Variants in PAM16 observed in about 807,000 individuals in gnomAD.
The protein encoded by PAM16 is mitochondrial import inner membrane translocase subunit TIM16.
In PAM16, 11 loss-of-function variants were observed where a neutral mutation model predicts 17.9. That is an observed-to-expected ratio of 0.62 (90% CI 0.39 to 1.02). The LOEUF is 1.02. PAM16 is among the 50% of genes least tolerant of loss of function. PAM16 has a pLI of 0.01. For synonymous variants in PAM16, 72 were observed against 67.4 expected, an observed-to-expected ratio of 1.07 and a Z score of -0.34; for missense variants, 199 against 165.4, an observed-to-expected ratio of 1.20 and a Z score of -1.11.
In PAM16 at chr16:4,345,922, C is replaced by G. The variant is rs749656706; in HGVS notation, c.4-2631G>C. On this transcript the variant is annotated intron_variant, in intron 1 of 4. Transcript: ENST00000318059. The stretch of plus-strand genomic sequence containing the variant: ...GAAACACGGCTCAGGTCTCAGACTA[C>G]CCCTCACACCAACAGCCTTCGGTCC... The G allele has an allele frequency of 3.7e-5, 36 of 985,090 alleles. No individual in the cohort carries two copies. The African/African-American group carries it at 5.4e-4, about 15-fold the overall frequency. 61.0% of individuals were successfully genotyped at this position (985,090 alleles called of 1,614,324 possible).
chr16:4,342,966 G>T (rs1259817655), intron 2 of PAM16, among the ~76,000 whole-genome samples: 1 of 152,018 alleles, frequency 6.6e-6, no homozygotes, highest in East Asian at 1.9e-4. Flanking sequence ...TCCAAAAAAA[G>T]AAAAAACAAG....
intron 1 of PAM16, 189 bp downstream of exon 1, chr16:4,351,043 C>T (rs947895450): frequency 3.3e-5 from 11 of 336,938 alleles, no homozygotes; most frequent in Non-Finnish European, 4.8e-5. Flanking sequence ...TTTTCCCTGG[C>T]CCTGAGGCCG....
At chr16:4,340,480 T>TGG (rs2053626486) in intron 4 of PAM16, 75 bp from the exon 5 acceptor site, 1 of 1,506,148 alleles carries the variant, frequency 6.6e-7, no homozygotes, top group Admixed American at 1.8e-5. Flanking sequence ...GGATGGCCTA[T>TGG]TCCCATCAGC....
intron 1 of PAM16, among the ~76,000 whole-genome samples, chr16:4,349,772 A>C (rs1237414391): frequency 6.6e-6 from 1 of 152,100 alleles, no homozygotes; most frequent in Non-Finnish European, 1.5e-5. Flanking sequence ...ATCTCAAAAA[A>C]CAAACCAAAA....
At chr16:4,346,491 T>A (rs186932439) in intron 1 of PAM16, among the ~76,000 whole-genome samples, 4 of 152,326 alleles carry the variant, frequency 2.6e-5, no homozygotes, top group Admixed American at 2.6e-4. Context: ...TAACAAAGCT[T>A]CTTTCAAAAT....
intron 1 of PAM16, among the ~76,000 whole-genome samples, chr16:4,350,067 C>T (rs903651232): frequency 4.9e-4 from 75 of 152,020 alleles, no homozygotes; most frequent in Non-Finnish European, 5.9e-5. Flanking sequence ...GGGGAACTTA[C>T]GTGTGCAGAA....
chr16:4,347,162 C>G (rs1252512983), intron 1 of PAM16: 1 of 152,212 alleles, frequency 6.6e-6, no homozygotes, highest in Non-Finnish European at 1.5e-5. Flanking sequence ...TTGTACTCAG[C>G]CTCCGAGGAC....
chr16:4,347,846 G>C (rs2141153532), intron 1 of PAM16: 1 of 152,364 alleles, frequency 6.6e-6, no homozygotes, highest in South Asian at 2.1e-4. Flanking sequence ...GCAGCAGTCA[G>C]AAGCACAGGA....
chr16:4,343,046 A>G (rs772257542), intron 2 of PAM16, among the ~76,000 whole-genome samples, 161 bp downstream of exon 2: 1 of 152,232 alleles, frequency 6.6e-6, no homozygotes, highest in Admixed American at 6.5e-5. Flanking sequence ...CTAACCAGGT[A>G]CCACTGAAGA....
chr16:4,340,458 C>T, intron 4 of PAM16, 53 bp from the exon 5 acceptor site: 4 of 1,584,930 alleles, frequency 2.5e-6, no homozygotes. Flanking sequence ...CCCCATACCC[C>T]TTGCCCACAT....
At chr16:4,344,437 G>A in intron 1 of PAM16, among the ~76,000 whole-genome samples, 1 of 138,208 alleles carries the variant, frequency 7.2e-6, no homozygotes, top group Non-Finnish European at 1.5e-5. Context: ...TGACAGGAGG[G>A]GGTTCTCTGA....
At chr16:4,350,926 G>A (rs1024307334) in intron 1 of PAM16, 13 of 278,136 alleles carry the variant, frequency 4.7e-5, no homozygotes, top group Non-Finnish European at 8.7e-5. Context: ...GGGCAGGGGA[G>A]GCGCTCACCA....
At position 4,350,409 on chromosome 16, in the gene PAM16, A is replaced by AT. The variant is rs970804357; in HGVS notation, c.3+822dup. Among the ~76,000 whole-genome samples, 149 of 148,372 alleles carry AT rather than the reference A, an allele frequency of 1.0e-3. 1 individual carries two copies. Among genetic ancestry groups the AT allele is most frequent in the African/African-American group, 2.9e-3 (116 of 40,606 alleles). ...ACGGTATATATAATACATATATATAATTTTTTTTTTGAGACGCAGTCTCAC... is the reference window on the plus strand; with the variant it reads ...ACGGTATATATAATACATATATATAATTTTTTTTTTTGAGACGCAGTCTCAC... On this transcript the variant is annotated intron_variant, in intron 1 of 4. Transcript: ENST00000318059.
At chr16:4,348,953 CTTTTTTTTTTTTT>C (rs1219395068) in intron 1 of PAM16, among the ~76,000 whole-genome samples, 2 of 114,242 alleles carry the variant, frequency 1.8e-5, no homozygotes, top group Non-Finnish European at 3.6e-5. Context: ...CTAGCACTTT[CTTTTTTTTTTTTT>C]TTTTTTGAGA....
At position 4,345,349 on chromosome 16, in the gene PAM16, C is replaced by G. The variant is rs1596252620; in HGVS notation, c.4-2058G>C. 2 of 152,110 alleles carry G rather than the reference C, an allele frequency of 1.3e-5. 1 individual carries two copies. Among genetic ancestry groups the G allele is most frequent in the South Asian group, 4.1e-4 (2 of 4,822 alleles). 9.4% of individuals were successfully genotyped at this position (152,110 alleles called of 1,614,324 possible). A position where few individuals can be genotyped will look rare whatever the true frequency, so the allele number is the denominator to read the frequency against. ...AGGGGTGGGGGACTGCTGACTGGCC[C>G]GAGGACGTAACAGCAGGTGCCTCGG... is the stretch of plus-strand genomic sequence containing the variant. On this transcript the variant is annotated intron_variant, in intron 1 of 4. Transcript: ENST00000318059.
At position 4,341,560 on chromosome 16, in the gene PAM16, G is replaced by A. The variant is rs747945980; in HGVS notation, c.89-56C>T. 15 of 1,537,104 alleles carry A rather than the reference G, an allele frequency of 9.8e-6. No individual in the cohort carries two copies. The East Asian group carries it at 1.4e-4, about 15-fold the overall frequency. On this transcript the variant is annotated intron_variant, in intron 2 of 4. Transcript: ENST00000318059. ...CTCAGCAGCCCACACTTCACCCTGG[G>A]CCTTCCGAGTTGGTGGCTCACCCCT...
chr16:4,340,852 G>A, intron 4 of PAM16, 68 bp downstream of exon 4: 8 of 1,588,932 alleles, frequency 5.0e-6, no homozygotes, highest in Middle Eastern at 3.3e-4. Flanking sequence ...CCCCAACTAG[G>A]AATTGAGCCC....
At chr16:4,350,068 G>A (rs1001119267) in intron 1 of PAM16, among the ~76,000 whole-genome samples, 10 of 152,154 alleles carry the variant, frequency 6.6e-5, no homozygotes, top group Non-Finnish European at 1.3e-4. Flanking sequence ...GGGAACTTAC[G>A]TGTGCAGAAC....
In PAM16 at chr16:4,340,412, G is replaced by A. The variant is rs546124771; in HGVS notation, c.292-7C>T. On this transcript the variant is annotated splice_polypyrimidine_tract_variant and splice_region_variant and intron_variant, in intron 4 of 4. Transcript: ENST00000318059. Reference sequence around the variant, plus strand: ...GCTCCTTTGCGCGGACCACCTAGTGGGTCACGGATAATCAGGCCGGGAGGC... The same window carrying A: ...GCTCCTTTGCGCGGACCACCTAGTGAGTCACGGATAATCAGGCCGGGAGGC... The A allele has an allele frequency of 5.0e-6, 8 of 1,610,324 alleles. No homozygotes were observed. The South Asian group carries it at 7.7e-5, about 15-fold the overall frequency.
Sources: gnomAD v4.1 joint callset for allele counts (sites outside exome capture counted in the v4.1 genomes callset) on GRCh38, gnomAD v4.1.1 for gene constraint, MANE v1.5 for transcripts, NCBI Gene and HGNC (gene_info 2026-07-23, HGNC 2026-07-21) for gene names.